The following ZC3H11A variants were observed in gnomAD, a reference collection of about 807,000 sequenced individuals.
ZC3H11A encodes the protein zinc finger CCCH domain-containing protein 11A.
A neutral mutation model predicts 90.8 loss-of-function variants in ZC3H11A; 22 were observed. The observed-to-expected ratio is 0.24, with a 90% CI of 0.17 to 0.35. The LOEUF is 0.35. Ranked by LOEUF, ZC3H11A falls within the 10% of genes least tolerant of loss-of-function variation. The probability of loss-of-function intolerance (pLI) is 1.00; values close to 1 mark genes in which losing one functional copy is unlikely to be tolerated. For missense variants in ZC3H11A, 701 were observed against 964.9 expected (o/e 0.73, Z 3.62); for synonymous variants, 294 against 339.8 (o/e 0.87, Z 1.48).
intron 2 of ZC3H11A, among the ~76,000 whole-genome samples, chr1:203,809,320 C>T (rs889683320): frequency 6.6e-5 from 10 of 151,696 alleles, no homozygotes; most frequent in African/African-American, 1.5e-4. Context: ...GGACAACAGG[C>T]GCACACTACC....
rs779638367 is a variant in ZC3H11A, at chr1:203,833,788, CAGG to C, written c.812_814del (p.Gly271del). 1.2e-6 allele frequency: 2 copies of C among 1,604,944 alleles called. No homozygotes were observed. Among genetic ancestry groups the C allele is most frequent in the Non-Finnish European group, 1.7e-6 (2 of 1,176,880 alleles). On this transcript the variant is annotated splice_acceptor_variant and coding_sequence_variant, in exon 10 of 18. Coordinates refer to ENST00000367210, the MANE Select transcript of ZC3H11A (RefSeq NM_001376342.1). LOFTEE classifies it high-confidence loss of function. ...TAGAGAAATTCTGCTTTTGCCATTT[CAGG>C]AGAAGAACCCTTGGTTAGATTGAGT... is the stretch of plus-strand genomic sequence containing the variant.
In ZC3H11A at chr1:203,802,031, C is replaced by A. The variant is rs1345770772; in HGVS notation, c.-1131C>A. 2.0e-5 allele frequency: 3 copies of A among 152,522 alleles called. No individual in the cohort carries two copies. The highest frequency in any genetic ancestry group is 2.9e-5 in the Non-Finnish European group (2 of 68,002). 9.4% of individuals were successfully genotyped at this position (152,522 alleles called of 1,614,324 possible). A position where few individuals can be genotyped will look rare whatever the true frequency, so the allele number is the denominator to read the frequency against. On this transcript the variant is annotated 5_prime_UTR_variant, in exon 2 of 18. Transcript: ENST00000367210. ...CAAACCAGTGATACTGGTGTTGATA[C>A]AAAATAAGAAATAAATTTTCCCTTA...
intron 12 of ZC3H11A, among the ~76,000 whole-genome samples, chr1:203,842,056 G>A (rs1472139459): frequency 1.3e-5 from 2 of 151,332 alleles, no homozygotes; most frequent in Admixed American, 6.6e-5. Context: ...GCCGGGCAGA[G>A]ACACTCCTCA....
At chr1:203,811,415 G>T (rs779523119) in intron 2 of ZC3H11A, among the ~76,000 whole-genome samples, 6 of 152,174 alleles carry the variant, frequency 3.9e-5, no homozygotes, top group Non-Finnish European at 8.8e-5. Flanking sequence ...TTACTTTGTT[G>T]CTGGTCTTTC....
At chr1:203,829,246 T>A (rs980910608) in intron 5 of ZC3H11A, 14 of 600,572 alleles carry the variant, frequency 2.3e-5, no homozygotes, top group Non-Finnish European at 3.2e-5. Context: ...CCACTTTGTG[T>A]TTATGTACAG....
intron 3 of ZC3H11A, 28 bp downstream of exon 3, chr1:203,817,152 C>G (rs759917881): frequency 6.4e-7 from 1 of 1,559,830 alleles, no homozygotes; most frequent in South Asian, 1.2e-5. Flanking sequence ...TAAATCAGTT[C>G]TTTCTACAAT....
intron 12 of ZC3H11A, among the ~76,000 whole-genome samples, chr1:203,845,608 T>C (rs993132161): frequency 2.0e-5 from 3 of 152,222 alleles, no homozygotes; most frequent in Non-Finnish European, 2.9e-5. Context: ...CTCACGCCTG[T>C]AATCCCAGCA....
chr1:203,803,937 A>G (rs1306513186), intron 2 of ZC3H11A, among the ~76,000 whole-genome samples: 2 of 151,982 alleles, frequency 1.3e-5, no homozygotes, highest in African/African-American at 4.8e-5. Context: ...ATTCTAGATG[A>G]TTTTATAATC....
At chr1:203,815,672 C>G (rs1022212838) in intron 2 of ZC3H11A, among the ~76,000 whole-genome samples, 3 of 152,146 alleles carry the variant, frequency 2.0e-5, no homozygotes, top group South Asian at 2.1e-4. Flanking sequence ...TGTTCAGTGT[C>G]AGACTCTTAA....
intron 9 of ZC3H11A, among the ~76,000 whole-genome samples, chr1:203,832,358 G>A (rs1470039768): frequency 6.6e-6 from 1 of 151,882 alleles, no homozygotes; most frequent in East Asian, 1.9e-4. Flanking sequence ...ACCGTTCTTG[G>A]CCATTAATTT....
rs997865157 is a variant in ZC3H11A at position 203,805,829 on chromosome 1, G to A, written c.-146+2813G>A. 6 of 886,840 alleles carry A rather than the reference G, an allele frequency of 6.8e-6. No homozygotes were observed. The Admixed American group carries it at 7.1e-5, about 10-fold the overall frequency. 54.9% of individuals were successfully genotyped at this position (886,840 alleles called of 1,614,324 possible). On this transcript the variant is annotated intron_variant, in intron 2 of 17. Coordinates refer to ENST00000367210, the MANE Select transcript of ZC3H11A (RefSeq NM_001376342.1). ...TCTGGGCCGCCATAACTGCGACTCA[G>A]TGCTTCTTGGATTTCATTTGCATCT... is the stretch of plus-strand genomic sequence containing the variant.
rs1045837753 is a variant in ZC3H11A, at chr1:203,799,430, A to G, written c.-1587-2145A>G. On this transcript the variant is annotated intron_variant, in intron 1 of 17. Transcript: ENST00000367210. ...AGTTCCAAAATGATCACCAACTTCC[A>G]TGGAAGAATTTGAAGCAGGACGAAA... 2.4e-5 allele frequency: 17 copies of G among 702,972 alleles called. No individual in the cohort carries two copies. In the African/African-American group the frequency reaches 2.6e-4, roughly 11 times the overall value. 43.5% of individuals were successfully genotyped at this position (702,972 alleles called of 1,614,324 possible).
Position 203,837,960 on chromosome 1 carries a change from TTA to T in ZC3H11A, c.875-3_875-2del. The T allele has an allele frequency of 6.2e-7, 1 of 1,607,022 alleles. No individual in the cohort carries two copies. Among genetic ancestry groups the T allele is most frequent in the East Asian group, 2.2e-5 (1 of 44,868 alleles). ...AAATCTTAAACTAAGTTCTCCCTCTTTATAGGCGGTGACAGTGATCCTCCATT... is the reference window on the plus strand; with the variant it reads ...AAATCTTAAACTAAGTTCTCCCTCTTTAGGCGGTGACAGTGATCCTCCATT... On this transcript the variant is annotated splice_region_variant and splice_polypyrimidine_tract_variant and intron_variant, in intron 10 of 17. Coordinates refer to ENST00000367210, the MANE Select transcript of ZC3H11A (RefSeq NM_001376342.1).
chr1:203,800,217 A>C, intron 1 of ZC3H11A: 1 of 1,460,198 alleles, frequency 6.8e-7, no homozygotes, highest in Non-Finnish European at 9.3e-7. Flanking sequence ...GCCGGCTTTG[A>C]CCCAGGTTGC....
At chr1:203,847,766 G>C in intron 13 of ZC3H11A, 79 bp downstream of exon 13, 1 of 1,532,942 alleles carries the variant, frequency 6.5e-7, no homozygotes, top group Non-Finnish European at 8.7e-7. Flanking sequence ...CTTCCTAGGA[G>C]TTGTTTGACA....
At chr1:203,833,279 C>T (rs1439736738) in intron 9 of ZC3H11A, among the ~76,000 whole-genome samples, 2 of 150,352 alleles carry the variant, frequency 1.3e-5, no homozygotes, top group African/African-American at 2.4e-5. Context: ...GCAGGAGAAT[C>T]GCTTGAACCC....
At chr1:203,826,216 C>T (rs984263933) in intron 4 of ZC3H11A, among the ~76,000 whole-genome samples, 19 of 152,082 alleles carry the variant, frequency 1.2e-4, no homozygotes, top group Admixed American at 6.6e-4. Flanking sequence ...TTGAAAGTAA[C>T]GGTATTTGCT....
At chr1:203,840,523 G>A in intron 12 of ZC3H11A, 149 bp downstream of exon 12, 1 of 675,472 alleles carries the variant, frequency 1.5e-6, no homozygotes, top group Non-Finnish European at 2.4e-6. Flanking sequence ...GATCAAGTCA[G>A]CTCAGACTCA....
In ZC3H11A at chr1:203,816,906, T is replaced by G. The variant is rs2102766774; in HGVS notation, c.-145-20T>G. The G allele has an allele frequency of 1.7e-5, 9 of 525,812 alleles. No homozygotes were observed. The East Asian group carries it at 2.8e-4, about 16-fold the overall frequency. The allele number at this position is 525,812 out of a possible 1,614,324, so 32.6% of individuals were successfully genotyped here. ...AAGAATTTACCTGAAATATTTTAATTCATTGTCTCCTCATTTTAGGATTAC... is the reference window on the plus strand; with the variant it reads ...AAGAATTTACCTGAAATATTTTAATGCATTGTCTCCTCATTTTAGGATTAC... On this transcript the variant is annotated intron_variant, in intron 2 of 17. Coordinates refer to ENST00000367210, the MANE Select transcript of ZC3H11A (RefSeq NM_001376342.1).
Sources: gnomAD v4.1 joint callset for allele counts (sites outside exome capture counted in the v4.1 genomes callset) on GRCh38, gnomAD v4.1.1 for gene constraint, MANE v1.5 for transcripts, NCBI Gene and HGNC (gene_info 2026-07-23, HGNC 2026-07-21) for gene names.